The following CCDC39 variants were observed in gnomAD, a reference collection of about 807,000 sequenced individuals.
CCDC39 encodes coiled-coil domain 39 molecular ruler complex subunit, also known as coiled-coil domain-containing protein 39.
In CCDC39, 113 loss-of-function variants were observed where a neutral mutation model predicts 121.0. The ratio of observed to expected loss-of-function variants is 0.93; its 90% CI spans 0.80 to 1.09. CCDC39 has a LOEUF of 1.09. CCDC39 is among the 50% of genes least tolerant of loss of function. The probability of loss-of-function intolerance (pLI) is 0.00; values close to 1 mark genes in which losing one functional copy is unlikely to be tolerated. For missense variants in CCDC39, 1,063 were observed against 1,074.7 expected (o/e 0.99, Z 0.15); for synonymous variants, 349 against 352.2 (o/e 0.99, Z 0.10).
intron 1 of CCDC39, among the ~76,000 whole-genome samples, chr3:180,670,065 AT>A (rs1268419980): frequency 6.6e-6 from 1 of 151,880 alleles, no homozygotes; most frequent in Admixed American, 6.6e-5. Context: ...GTTCTTATGG[AT>A]TTTTTCTCCT....
chr3:180,673,331 G>A (rs1560095953), intron 1 of CCDC39, among the ~76,000 whole-genome samples: 1 of 152,146 alleles, frequency 6.6e-6, no homozygotes, highest in Non-Finnish European at 1.5e-5. Context: ...TGTTGATGCG[G>A]CAAAGTTCAT....
intron 2 of CCDC39, among the ~76,000 whole-genome samples, chr3:180,663,659 G>A (rs1711798737): frequency 6.9e-6 from 1 of 145,366 alleles, no homozygotes; most frequent in Non-Finnish European, 1.5e-5. Context: ...AACAGAGCGA[G>A]ACTTCATCTC....
At chr3:180,643,933 T>C (rs1422232480) in intron 12 of CCDC39, among the ~76,000 whole-genome samples, 187 bp downstream of exon 12, 1 of 152,172 alleles carries the variant, frequency 6.6e-6, no homozygotes, top group East Asian at 1.9e-4. Context: ...AATTTTTTAA[T>C]ACAACATAAA....
intron 7 of CCDC39, among the ~76,000 whole-genome samples, chr3:180,653,201 A>G (rs1370229369): frequency 3.9e-5 from 6 of 152,198 alleles, no homozygotes; most frequent in Non-Finnish European, 7.3e-5. Flanking sequence ...AATAACAAGA[A>G]CTATCCCAAG....
At chr3:180,617,302 C>A in intron 16 of CCDC39, 1 of 490,180 alleles carries the variant, frequency 2.0e-6, no homozygotes, top group Admixed American at 3.4e-5. Flanking sequence ...ATGTACAGTG[C>A]ATAATACTTG....
intron 14 of CCDC39, among the ~76,000 whole-genome samples, chr3:180,622,875 G>A (rs1034253127): frequency 1.3e-5 from 2 of 151,702 alleles, no homozygotes; most frequent in Non-Finnish European, 2.9e-5. Context: ...TTGATTTATC[G>A]TTTTCTTTTT....
chr3:180,643,607 C>A (rs531360644), intron 12 of CCDC39, among the ~76,000 whole-genome samples: 9 of 152,170 alleles, frequency 5.9e-5, no homozygotes, highest in African/African-American at 1.9e-4. Flanking sequence ...ATTAATGGTA[C>A]CCTCTAGAAG....
intron 14 of CCDC39, among the ~76,000 whole-genome samples, chr3:180,622,408 C>A (rs1254252116): frequency 1.3e-5 from 2 of 151,992 alleles, no homozygotes; most frequent in Non-Finnish European, 2.9e-5. Flanking sequence ...TCATTTATTT[C>A]TCTTGCCTGA....
chr3:180,619,524 G>A (rs778870693), intron 15 of CCDC39, among the ~76,000 whole-genome samples, 159 bp from the exon 16 acceptor site: 2 of 151,750 alleles, frequency 1.3e-5, no homozygotes, highest in Admixed American at 1.3e-4. Context: ...GCCATTTCTT[G>A]TTTTGTCAAC....
At chr3:180,652,705 A>AT (rs1452502070) in intron 7 of CCDC39, among the ~76,000 whole-genome samples, 2 of 152,100 alleles carry the variant, frequency 1.3e-5, no homozygotes, top group Non-Finnish European at 2.9e-5. Flanking sequence ...ATTAATCAAA[A>AT]TTATTTAAAC....
intron 16 of CCDC39, chr3:180,617,383 ACTC>A (rs1241393988): frequency 6.4e-6 from 4 of 621,840 alleles, no homozygotes; most frequent in South Asian, 2.1e-5. Context: ...TTTACAGTGT[ACTC>A]CTATTTATTT....
In CCDC39 at chr3:180,670,264, C is replaced by T. The variant is rs77484011; in HGVS notation, c.91-6278G>A. Among the ~76,000 whole-genome samples, 1,463 of 151,512 alleles carry T rather than the reference C, an allele frequency of 9.7e-3. 28 individuals are homozygous for T. Among genetic ancestry groups the T allele is most frequent in the African/African-American group, 0.031 (1,280 of 41,304 alleles). On this transcript the variant is annotated intron_variant, in intron 1 of 19. Transcript: ENST00000476379. ...TACTTAATATTTTTAAGGATGTGTA[C>T]AAGTATTATCATGTAATTAAGTTGG... is the stretch of plus-strand genomic sequence containing the variant.
At chr3:180,648,552 G>A (rs892384729) in intron 9 of CCDC39, among the ~76,000 whole-genome samples, 193 bp from the exon 10 acceptor site, 3 of 152,046 alleles carry the variant, frequency 2.0e-5, no homozygotes, top group African/African-American at 7.2e-5. Flanking sequence ...AGTAGACTAG[G>A]GTAGCTTTTA....
intron 13 of CCDC39, among the ~76,000 whole-genome samples, chr3:180,634,478 C>T (rs1397522816): frequency 6.6e-6 from 1 of 152,138 alleles, no homozygotes; most frequent in Admixed American, 6.5e-5. Context: ...GATTGCTGAC[C>T]TGCACCTCTC....
At chr3:180,650,945 G>T (rs1160056721) in intron 9 of CCDC39, among the ~76,000 whole-genome samples, 2 of 151,736 alleles carry the variant, frequency 1.3e-5, no homozygotes, top group African/African-American at 2.4e-5. Context: ...CGGCACAGTG[G>T]CTCACACCTG....
chr3:180,648,040 C>A (rs1010321592), intron 10 of CCDC39, 125 bp downstream of exon 10: 2 of 721,084 alleles, frequency 2.8e-6, no homozygotes, highest in African/African-American at 3.6e-5. Context: ...GATGTCTCAC[C>A]TTCAGCATCT....
chr3:180,653,682 T>C (rs1339465923), intron 7 of CCDC39, among the ~76,000 whole-genome samples: 1 of 152,164 alleles, frequency 6.6e-6, no homozygotes, highest in Non-Finnish European at 1.5e-5. Context: ...CTTTTTTATT[T>C]AAAATTGTAT....
rs749807794 is a variant in CCDC39, at chr3:180,631,423, CAAAG to C, written c.1998+42_1998+45del. 1.1e-5 allele frequency: 17 copies of C among 1,520,664 alleles called. No individual in the cohort carries two copies. The East Asian group carries it at 1.4e-4, about 12-fold the overall frequency. The allele number at this position is 1,520,664 out of a possible 1,614,324, so 94.2% of individuals were successfully genotyped here. A position where few individuals can be genotyped will look rare whatever the true frequency, so the allele number is the denominator to read the frequency against. On this transcript the variant is annotated intron_variant, in intron 14 of 19. Coordinates refer to ENST00000476379, the MANE Select transcript of CCDC39 (RefSeq NM_181426.2). ...CAGAGGATTATGATGAATGAGTTAACAAAGAAAATTTCATACCATCACAACTGTG... is the reference window on the plus strand; with the variant it reads ...CAGAGGATTATGATGAATGAGTTAACAAAATTTCATACCATCACAACTGTG...
chr3:180,673,341 T>C (rs1349284084), intron 1 of CCDC39, among the ~76,000 whole-genome samples: 1 of 152,200 alleles, frequency 6.6e-6, no homozygotes, highest in Non-Finnish European at 1.5e-5. Flanking sequence ...GCAAAGTTCA[T>C]TGTTCTCTTA....
Sources: gnomAD v4.1 joint callset for allele counts (sites outside exome capture counted in the v4.1 genomes callset) on GRCh38, gnomAD v4.1.1 for gene constraint, MANE v1.5 for transcripts, NCBI Gene and HGNC (gene_info 2026-07-23, HGNC 2026-07-21) for gene names.